The following XRRA1 variants were observed in gnomAD, a reference collection of about 807,000 sequenced individuals.
XRRA1 encodes X-ray radiation resistance associated 1, also known as X-ray radiation resistance-associated protein 1.
XRRA1 carries 69 observed loss-of-function variants against 80.2 expected under a neutral mutation model. The observed-to-expected ratio is 0.86, with a 90% confidence interval of 0.71 to 1.05. The LOEUF (loss-of-function observed/expected upper bound fraction) is 1.05. Among genes scored for constraint, XRRA1 ranks in the 50% least tolerant of loss-of-function variants. The pLI, the probability that XRRA1 is intolerant of heterozygous loss-of-function variation, is 0.00. For missense variants in XRRA1, 967 were observed against 976.4 expected (o/e 0.99, Z 0.13); for synonymous variants, 348 against 389.9 (o/e 0.89, Z 1.27).
In XRRA1 at chr11:74,854,728, A is replaced by C. The variant is rs116818094; in HGVS notation, c.1171-2646T>G. ...TTTACTAAAGTTTCAGTAGAATACT[A>C]CCTTTCTCTGGCTGGGCGCGGTGGC... On this transcript the variant is annotated intron_variant, in intron 12 of 18. Coordinates refer to ENST00000684022, the MANE Select transcript of XRRA1 (RefSeq NM_001378157.1). Among the ~76,000 whole-genome samples the C allele has an allele frequency of 6.9e-3, 1,045 of 152,288 alleles. 9 individuals carry two copies. Among genetic ancestry groups the C allele is most frequent in the African/African-American group, 0.024 (993 of 41,558 alleles).
intron 2 of XRRA1, among the ~76,000 whole-genome samples, chr11:74,943,524 GGTGTGT>G (rs67590742): frequency 0.012 from 1,589 of 137,842 alleles, 14 homozygotes; most frequent in Non-Finnish European, 0.014. Context: ...AGAGTAGGAG[GGTGTGT>G]GTGTGTGTGT....
In XRRA1 at chr11:74,841,648, G is replaced by C. The variant is rs1214227488; in HGVS notation, c.*1552C>G. On this transcript the variant is annotated 3_prime_UTR_variant, in exon 19 of 19. Coordinates refer to ENST00000684022, the MANE Select transcript of XRRA1 (RefSeq NM_001378157.1). ...GAGAGGCAACCTCAAACTCTAAGCA[G>C]ACTCCCTCTCTCCCTTTCTGGTGTC... is the stretch of plus-strand genomic sequence containing the variant. The C allele has an allele frequency of 2.6e-5, 4 of 152,170 alleles. No homozygotes were observed. Among genetic ancestry groups the C allele is most frequent in the Non-Finnish European group, 5.9e-5 (4 of 68,034 alleles). 9.4% of individuals were successfully genotyped at this position (152,170 alleles called of 1,614,324 possible).
chr11:74,900,192 A>AAAT (rs763613667), intron 10 of XRRA1, among the ~76,000 whole-genome samples: 1 of 151,788 alleles, frequency 6.6e-6, no homozygotes, highest in African/African-American at 2.4e-5. Flanking sequence ...TAAATAAATA[A>AAAT]AATAATAATA....
chr11:74,873,268 A>G (rs1722004226), intron 10 of XRRA1, among the ~76,000 whole-genome samples: 2 of 152,184 alleles, frequency 1.3e-5, no homozygotes, highest in African/African-American at 4.8e-5. Flanking sequence ...CAGCCCCTGC[A>G]ACACCCCAAT....
At chr11:74,867,076 C>T (rs2043618888) in intron 10 of XRRA1, among the ~76,000 whole-genome samples, 1 of 152,114 alleles carries the variant, frequency 6.6e-6, no homozygotes, top group Non-Finnish European at 1.5e-5. Context: ...GGCCCTGCAC[C>T]CTGGCCCATC....
chr11:74,939,321 C>T lies in XRRA1; in HGVS notation c.94+1464G>A, dbSNP rs564532279. ...GAGCCAAGATTGCACTGCTGCACTC[C>T]AGTCTGGGCAACAGAGAGAGACTCC... On this transcript the variant is annotated intron_variant, in intron 3 of 18. Transcript: ENST00000684022. Among the ~76,000 whole-genome samples the T allele has an allele frequency of 2.6e-5, 4 of 152,278 alleles. No individual in the cohort carries two copies. The East Asian group carries it at 7.7e-4, about 29-fold the overall frequency.
intron 8 of XRRA1, among the ~76,000 whole-genome samples, chr11:74,913,226 T>C (rs926200536): frequency 3.9e-5 from 6 of 152,158 alleles, no homozygotes; most frequent in Non-Finnish European, 7.3e-5. Context: ...TTCTTCCCAA[T>C]AGTAAACCAA....
At chr11:74,890,256 C>G (rs1238398677) in intron 10 of XRRA1, among the ~76,000 whole-genome samples, 3 of 152,094 alleles carry the variant, frequency 2.0e-5, no homozygotes, top group Non-Finnish European at 4.4e-5. Flanking sequence ...CTCACTCAAA[C>G]CCGCTCAACT....
intron 10 of XRRA1, among the ~76,000 whole-genome samples, chr11:74,886,700 A>G (rs1194706750): frequency 6.6e-6 from 1 of 151,478 alleles, no homozygotes; most frequent in East Asian, 1.9e-4. Flanking sequence ...TCTTCACCAA[A>G]TTAGAAAAAA....
At chr11:74,917,360 A>G (rs1939055014) in intron 8 of XRRA1, among the ~76,000 whole-genome samples, 1 of 152,178 alleles carries the variant, frequency 6.6e-6, no homozygotes, top group Non-Finnish European at 1.5e-5. Context: ...AATTAGTTGC[A>G]GTTTGTCATC....
chr11:74,879,401 T>C lies in XRRA1; in HGVS notation c.1004-16380A>G, dbSNP rs913442992. On this transcript the variant is annotated intron_variant, in intron 10 of 18. Transcript: ENST00000684022. ...GGGTTTTCTAGATATACAATTATGT[T>C]GTCTGCAAAGAGGGACAATTTGACT... Among the ~76,000 whole-genome samples the C allele has an allele frequency of 5.9e-3, 897 of 152,328 alleles. 5 individuals carry two copies. The highest frequency in any genetic ancestry group is 9.1e-3 in the Non-Finnish European group (621 of 68,030).
At chr11:74,901,823 A>C (rs1032147849) in intron 10 of XRRA1, among the ~76,000 whole-genome samples, 1 of 152,212 alleles carries the variant, frequency 6.6e-6, no homozygotes, top group Non-Finnish European at 1.5e-5. Flanking sequence ...CCTACAAGAA[A>C]ACATTGAGGA....
At chr11:74,903,036 T>C (rs934916946) in intron 10 of XRRA1, among the ~76,000 whole-genome samples, 7 of 152,178 alleles carry the variant, frequency 4.6e-5, no homozygotes, top group South Asian at 2.1e-4. Flanking sequence ...ACTTTACACC[T>C]ACCCAGAATA....
intron 4 of XRRA1, among the ~76,000 whole-genome samples, chr11:74,934,495 TA>T (rs1222334442): frequency 6.6e-6 from 1 of 152,202 alleles, no homozygotes; most frequent in East Asian, 1.9e-4. Context: ...TACGTATTTA[TA>T]AATGTGATAA....
At chr11:74,855,124 G>C (rs1487446537) in intron 12 of XRRA1, among the ~76,000 whole-genome samples, 1 of 152,242 alleles carries the variant, frequency 6.6e-6, no homozygotes, top group Non-Finnish European at 1.5e-5. Context: ...CACAAGGGCA[G>C]AGTTAAGTAG....
chr11:74,906,282 C>T lies in XRRA1; in HGVS notation c.960G>A (p.Leu320=), dbSNP rs768216549. The T allele has an allele frequency of 6.2e-7, 1 of 1,613,944 alleles. No homozygotes were observed. Among genetic ancestry groups the T allele is most frequent in the Non-Finnish European group, 8.5e-7 (1 of 1,179,888 alleles). The change falls in exon 10 of 19, where the codon CTG becomes CTA. Residue 320 remains leucine (L), a synonymous_variant. Transcript: ENST00000684022. ...TTTTCATGGGCAGTACAGTATAATC[C>T]AGTTGCTCATCTGAGTCCTCAAGCA... ...PRMLEDSDEQ[L]DYTVLPMKKD... is the part of the protein sequence containing the mutation.
At chr11:74,880,474 T>C (rs1463035289) in intron 10 of XRRA1, among the ~76,000 whole-genome samples, 1 of 149,330 alleles carries the variant, frequency 6.7e-6, no homozygotes, top group Non-Finnish European at 1.5e-5. Context: ...AGTTCTGCTC[T>C]GATTTTAGTT....
chr11:74,906,258 T>C lies in XRRA1; in HGVS notation c.984A>G (p.Lys328=). 6.2e-7 allele frequency: 1 copy of C among 1,613,896 alleles called. No individual in the cohort carries two copies. Among genetic ancestry groups the C allele is most frequent in the South Asian group, 1.1e-5 (1 of 91,060 alleles). The change falls in exon 10 of 19, where the codon AAA becomes AAG. Residue 328 remains lysine, a synonymous_variant. Transcript: ENST00000684022. ...EQLDYTVLPM[K]KDVDRTEVVF... ...ACTCACCTGTCCGGTCAACATCCTT[T>C]TTCATGGGCAGTACAGTATAATCCA...
chr11:74,892,171 TAA>T (rs1489263377), intron 10 of XRRA1, among the ~76,000 whole-genome samples: 5 of 152,254 alleles, frequency 3.3e-5, no homozygotes, highest in African/African-American at 1.2e-4. Context: ...AAGGCTACAG[TAA>T]CCAAAACAGC....
Sources: allele counts gnomAD v4.1 joint callset (sites outside exome capture counted in the v4.1 genomes callset), GRCh38; gene constraint gnomAD v4.1.1; transcripts MANE v1.5; gene names NCBI Gene and HGNC (gene_info 2026-07-23, HGNC 2026-07-21).